BLNK: variants seen among roughly 807,000 people sequenced by gnomAD.
The protein encoded by BLNK is B cell linker, also known as B-cell linker protein.
Under a neutral mutation model 73.5 loss-of-function variants are expected in BLNK, and 29 were observed. That is an observed-to-expected ratio of 0.39 (90% CI 0.29 to 0.54). The LOEUF (loss-of-function observed/expected upper bound fraction) is 0.54, where lower values mean the gene tolerates loss of function less well. Among genes scored for constraint, BLNK ranks in the 20% least tolerant of loss-of-function variants. The pLI is 0.61. For missense variants in BLNK, 460 were observed against 562.8 expected (o/e 0.82, Z 1.85); for synonymous variants, 176 against 200.8 (o/e 0.88, Z 1.04).
At chr10:96,261,197 C>T (rs147309860) in intron 1 of BLNK, among the ~76,000 whole-genome samples, 1 of 152,120 alleles carries the variant, frequency 6.6e-6, no homozygotes, top group Non-Finnish European at 1.5e-5. Context: ...CCAAAATACA[C>T]TCATTTATGG....
At chr10:96,194,716 C>CA (rs1302001177) in intron 16 of BLNK, among the ~76,000 whole-genome samples, 9 of 148,788 alleles carry the variant, frequency 6.0e-5, no homozygotes, top group African/African-American at 2.2e-4. Context: ...TACAAGTAGC[C>CA]AAAAAAGCAT....
chr10:96,200,191 T>A lies in BLNK; in HGVS notation c.1012-33A>T, dbSNP rs782682619. 1 of 1,581,714 alleles carries A rather than the reference T, an allele frequency of 6.3e-7. No individual in the cohort carries two copies. Among genetic ancestry groups the A allele is most frequent in the South Asian group, 1.1e-5 (1 of 90,034 alleles). On this transcript the variant is annotated intron_variant, in intron 14 of 16. Coordinates refer to ENST00000224337, the MANE Select transcript of BLNK (RefSeq NM_013314.4). This position sits in a 1 kb window ranked among gnomAD's most constrained non-coding sequence, Gnocchi z 4.3. ...ATGGAGGGCACTGGTCAGCATGGGA[T>A]GGTCCCTACTTAACTCTAATTTCTG... is the stretch of plus-strand genomic sequence containing the variant.
chr10:96,229,885 C>T (rs1163534753), intron 4 of BLNK, among the ~76,000 whole-genome samples: 2 of 152,090 alleles, frequency 1.3e-5, no homozygotes, highest in Non-Finnish European at 2.9e-5. Flanking sequence ...GTATAAACTC[C>T]AGGTAGTGTG....
intron 3 of BLNK, among the ~76,000 whole-genome samples, chr10:96,231,934 T>C (rs587662090): frequency 6.6e-6 from 1 of 152,338 alleles, no homozygotes; most frequent in East Asian, 1.9e-4. Context: ...GGGCTCTGCA[T>C]GGGCATAGAA....
At chr10:96,246,007 A>C (rs1393125016) in intron 2 of BLNK, among the ~76,000 whole-genome samples, 2 of 152,146 alleles carry the variant, frequency 1.3e-5, no homozygotes, top group African/African-American at 4.8e-5. Context: ...AAAAATTTAA[A>C]GACTTAACAG....
intron 8 of BLNK, among the ~76,000 whole-genome samples, chr10:96,210,895 G>T (rs1364126000): frequency 1.4e-5 from 2 of 143,880 alleles, no homozygotes; most frequent in East Asian, 3.9e-4. Flanking sequence ...TTGAGACAGG[G>T]TCTTGTTCTG....
Position 96,224,001 on chromosome 10 carries a change from C to G in BLNK, c.362-12G>C. On this transcript the variant is annotated splice_polypyrimidine_tract_variant and intron_variant, in intron 5 of 16. Coordinates refer to ENST00000224337, the MANE Select transcript of BLNK (RefSeq NM_013314.4). ...GCTTGATCGATTGTCTTGAAAGGAA[C>G]AAACAAAAAACATAACATAAAAGAG... The G allele has an allele frequency of 6.2e-7, 1 of 1,612,082 alleles. No homozygotes were observed. The highest frequency in any genetic ancestry group is 8.5e-7 in the Non-Finnish European group (1 of 1,179,862).
At chr10:96,245,590 A>G (rs7894128) in intron 2 of BLNK, among the ~76,000 whole-genome samples, 31,701 of 152,168 alleles carry the variant, frequency 0.21, 4,758 homozygotes, top group East Asian at 0.56. Flanking sequence ...TAATTGAATT[A>G]TAATATATTT....
In BLNK at chr10:96,197,029, T is replaced by C. The variant is rs781820500; in HGVS notation, c.1130A>G (p.His377Arg). 2.5e-6 allele frequency: 4 copies of C among 1,613,126 alleles called. No homozygotes were observed. The South Asian group carries it at 4.4e-5, about 18-fold the overall frequency. The change falls in exon 16 of 17, where the codon CAT (histidine) becomes CGT (arginine). Residue 377 changes from histidine (H) to arginine (R), a missense_variant. Transcript: ENST00000224337. ...GSFLIRKSSG[H>R]DSKQPYTLVV... ...TAGTGTATATGGTTGTTTGGAATCA[T>C]GGCCAGAGCTTTTCCGAATAAGAAA...
intron 3 of BLNK, among the ~76,000 whole-genome samples, chr10:96,234,075 G>A (rs1463732809): frequency 2.0e-5 from 3 of 152,194 alleles, no homozygotes; most frequent in Admixed American, 1.3e-4. Flanking sequence ...CCTGCCTGAG[G>A]CTACTTGGCT....
At chr10:96,239,922 T>C (rs1842829914) in intron 3 of BLNK, among the ~76,000 whole-genome samples, 1 of 152,162 alleles carries the variant, frequency 6.6e-6, no homozygotes, top group Non-Finnish European at 1.5e-5. Flanking sequence ...TTCCAACAAT[T>C]GACTCTGAAC....
intron 6 of BLNK, among the ~76,000 whole-genome samples, chr10:96,220,430 T>G (rs1438197788): frequency 6.6e-6 from 1 of 152,214 alleles, no homozygotes; most frequent in Admixed American, 6.5e-5. Flanking sequence ...CAAATTCTGT[T>G]TGTAGTGTCT....
chr10:96,210,831 A>G (rs1483559916), intron 8 of BLNK, among the ~76,000 whole-genome samples: 1 of 151,466 alleles, frequency 6.6e-6, no homozygotes, highest in African/African-American at 2.4e-5. Context: ...TGTTTTCTTA[A>G]GAACTTACTA....
intron 1 of BLNK, among the ~76,000 whole-genome samples, chr10:96,267,827 A>T (rs555918213): frequency 6.6e-6 from 1 of 152,332 alleles, no homozygotes; most frequent in East Asian, 1.9e-4. Flanking sequence ...ATTTTCAGAA[A>T]ATCAATTACA....
chr10:96,189,977 G>A lies in BLNK; in HGVS notation c.*1996C>T. ...CCCAAGGGAAACTGTTGGCTGTACA[G>A]ACATTTTCAAAGGTGCCAGTGTTAT... On this transcript the variant is annotated 3_prime_UTR_variant, in exon 17 of 17. Coordinates refer to ENST00000224337, the MANE Select transcript of BLNK (RefSeq NM_013314.4). 1 of 858,346 alleles carries A rather than the reference G, an allele frequency of 1.2e-6. No individual in the cohort carries two copies. The highest frequency in any genetic ancestry group is 2.0e-6 in the Non-Finnish European group (1 of 505,448). 53.2% of individuals were successfully genotyped at this position (858,346 alleles called of 1,614,324 possible).
At position 96,210,863 on chromosome 10, in the gene BLNK, G is replaced by GTTTT. The variant is rs377260098; in HGVS notation, c.677-960_677-957dup. Among the ~76,000 whole-genome samples the GTTTT allele has an allele frequency of 1.3e-3, 158 of 121,894 alleles. 5 individuals are homozygous for GTTTT. The highest frequency in any genetic ancestry group is 5.3e-3 in the Middle Eastern group (1 of 190). The allele number at this position is 121,894 out of a possible 152,430, so 80.0% of individuals were successfully genotyped here. On this transcript the variant is annotated intron_variant, in intron 8 of 16. Coordinates refer to ENST00000224337, the MANE Select transcript of BLNK (RefSeq NM_013314.4). ...ACTACACATACAAGTCCACAATTCC[G>GTTTT]TTTTTTTTTTTTTTTTTTTTTTTGA...
chr10:96,246,892 C>T (rs1356041427), intron 2 of BLNK, 92 bp downstream of exon 2: 4 of 952,834 alleles, frequency 4.2e-6, no homozygotes, highest in African/African-American at 1.7e-5. Flanking sequence ...GTAGAAACTT[C>T]TCATCCAGGT....
intron 16 of BLNK, among the ~76,000 whole-genome samples, chr10:96,196,675 A>G (rs1479014784): frequency 6.6e-6 from 1 of 152,204 alleles, no homozygotes; most frequent in Non-Finnish European, 1.5e-5. Context: ...ACCTCATTAA[A>G]TAACTGAATG....
chr10:96,241,414 C>G (rs1591347441), intron 3 of BLNK, among the ~76,000 whole-genome samples: 1 of 152,298 alleles, frequency 6.6e-6, no homozygotes, highest in South Asian at 2.1e-4. Flanking sequence ...GAATATTTCA[C>G]TTGGCTCACC....
Sources: allele counts gnomAD v4.1 joint callset (sites outside exome capture counted in the v4.1 genomes callset), GRCh38; gene constraint gnomAD v4.1.1; non-coding constraint Gnocchi (gnomAD v3.1); transcripts MANE v1.5; gene names NCBI Gene and HGNC (gene_info 2026-07-23, HGNC 2026-07-21).